JAKMIP1: variants seen among roughly 807,000 people sequenced by gnomAD.
The protein encoded by JAKMIP1 is janus kinase and microtubule-interacting protein 1.
In JAKMIP1, 33 loss-of-function variants were observed where a neutral mutation model predicts 113.0. The ratio of observed to expected loss-of-function variants is 0.29; its 90% CI spans 0.22 to 0.39. The LOEUF is 0.39. Ranked by LOEUF, JAKMIP1 falls within the 10% of genes least tolerant of loss-of-function variation. The pLI is 1.00. For missense variants in JAKMIP1, 813 were observed against 1,080.5 expected, an observed-to-expected ratio of 0.75 and a Z score of 3.47; for synonymous variants, 480 against 459.9, an observed-to-expected ratio of 1.04 and a Z score of -0.56.
intron 3 of JAKMIP1, among the ~76,000 whole-genome samples, chr4:6,101,984 A>T (rs1486784967): frequency 6.6e-6 from 1 of 151,700 alleles, no homozygotes; most frequent in Non-Finnish European, 1.5e-5. Flanking sequence ...GGAAAAACTG[A>T]TATCTATACT....
chr4:6,122,138 A>T (rs1716801339), intron 1 of JAKMIP1, among the ~76,000 whole-genome samples: 1 of 152,190 alleles, frequency 6.6e-6, no homozygotes, highest in Non-Finnish European at 1.5e-5. Flanking sequence ...TGATGTCAGA[A>T]GTTCAAGACC....
chr4:6,148,401 C>G (rs1293240271), intron 1 of JAKMIP1, among the ~76,000 whole-genome samples: 1 of 152,228 alleles, frequency 6.6e-6, no homozygotes, highest in Non-Finnish European at 1.5e-5. Context: ...ATGAGGACTT[C>G]AAGCCTCAGC....
chr4:6,028,233 C>T (rs1712116995), intron 20 of JAKMIP1, among the ~76,000 whole-genome samples: 1 of 152,238 alleles, frequency 6.6e-6, no homozygotes, highest in South Asian at 2.1e-4. Flanking sequence ...TTGAGACCCC[C>T]TTGGGTTCTC....
intron 1 of JAKMIP1, among the ~76,000 whole-genome samples, chr4:6,191,892 G>A (rs1038484412): frequency 5.4e-5 from 7 of 130,028 alleles, no homozygotes; most frequent in Admixed American, 3.9e-4. Context: ...TTTTTCATAC[G>A]TCTTCAAGCC....
rs891715097 is a variant in JAKMIP1, at chr4:6,178,355, G to T, written c.-148+21898C>A. 6.6e-6 allele frequency among the ~76,000 whole-genome samples: 1 copy of T among 152,118 alleles called. No individual in the cohort carries two copies. Among genetic ancestry groups the T allele is most frequent in the African/African-American group, 2.4e-5 (1 of 41,426 alleles). Reference sequence around the variant, plus strand: ...CATAATCCCCATGTGTGGTGGGAGGGACCTCTCGGGAGGTAATTGAATCAT... The same window carrying T: ...CATAATCCCCATGTGTGGTGGGAGGTACCTCTCGGGAGGTAATTGAATCAT... On this transcript the variant is annotated intron_variant, in intron 1 of 20. Transcript: ENST00000409021. The surrounding 1 kb of genome is among the most constrained non-coding windows in gnomAD (Gnocchi z 5.5).
Position 6,049,851 on chromosome 4 carries a change from T to C in JAKMIP1, c.1930A>G (p.Met644Val), listed in dbSNP as rs754435835. Residue 644 changes from methionine to valine, a missense_variant, in exon 15 of 21, where the codon ATG becomes GTG. By Grantham distance (21) the Met-to-Val change is conservative. This residue lies in a region of JAKMIP1 where 273 missense variants were observed against 426.6 expected (regional missense o/e 0.64). Transcript: ENST00000409021. The surrounding 1 kb of genome is among the most constrained non-coding windows in gnomAD (Gnocchi z 7.0). The part of the protein sequence containing the change: ...GVKDVNVSEL[M>V]KKLDILGDNG... ...TCGCCAAGGATATCTAATTTCTTCA[T>C]AAGTTCAGAAACATTCACATCCTGG... 5.0e-6 allele frequency: 8 copies of C among 1,613,042 alleles called. No homozygotes were observed. In the Admixed American group the frequency reaches 1.3e-4, roughly 27 times the overall value.
At chr4:6,126,958 C>T (rs939509049) in intron 1 of JAKMIP1, among the ~76,000 whole-genome samples, 1 of 151,778 alleles carries the variant, frequency 6.6e-6, no homozygotes, top group African/African-American at 2.4e-5. Context: ...TCCCATACAA[C>T]ACACACACCA....
intron 1 of JAKMIP1, among the ~76,000 whole-genome samples, chr4:6,148,015 G>A (rs1721064454): frequency 6.6e-6 from 1 of 152,226 alleles, no homozygotes; most frequent in African/African-American, 2.4e-5. Flanking sequence ...TTCCTTAGGA[G>A]CAAGGACCGT....
chr4:6,037,905 G>T (rs1413243896), intron 18 of JAKMIP1, among the ~76,000 whole-genome samples: 2 of 136,314 alleles, frequency 1.5e-5, no homozygotes, highest in Non-Finnish European at 3.2e-5. Context: ...CATCACTGAG[G>T]CAGAGGCTAA....
chr4:6,196,058 G>A (rs1727792065), intron 1 of JAKMIP1, among the ~76,000 whole-genome samples: 1 of 152,218 alleles, frequency 6.6e-6, no homozygotes, highest in South Asian at 2.1e-4. Context: ...ACTTCGGGTT[G>A]CAGTTCTGAA....
intron 3 of JAKMIP1, among the ~76,000 whole-genome samples, chr4:6,095,678 G>GT (rs1553829485): frequency 3.9e-5 from 6 of 152,224 alleles, no homozygotes; most frequent in Non-Finnish European, 2.9e-5. Context: ...TGATGTGTAC[G>GT]TAAGATTTGT....
chr4:6,137,739 A>C lies in JAKMIP1; in HGVS notation c.-147-24742T>G, dbSNP rs1185141438. Among the ~76,000 whole-genome samples the C allele has an allele frequency of 6.6e-6, 1 of 152,228 alleles. No individual in the cohort carries two copies. Among genetic ancestry groups the C allele is most frequent in the Non-Finnish European group, 1.5e-5 (1 of 68,044 alleles). ...GCACATCACTTAGGTTCCATCATTC[A>C]TTCAATTCATCAGTCCTTCAATCAC... On this transcript the variant is annotated intron_variant, in intron 1 of 20. Coordinates refer to ENST00000409021, the MANE Select transcript of JAKMIP1 (RefSeq NM_001099433.2). The surrounding 1 kb of genome is among the most constrained non-coding windows in gnomAD (Gnocchi z 4.5).
chr4:6,119,564 C>A (rs1339767124), intron 1 of JAKMIP1, among the ~76,000 whole-genome samples: 5 of 121,306 alleles, frequency 4.1e-5, no homozygotes, highest in Non-Finnish European at 9.0e-5. Context: ...CAAACAACAA[C>A]AACAACAAAA....
chr4:6,082,812 G>T (rs561979707), intron 5 of JAKMIP1, among the ~76,000 whole-genome samples: 1 of 152,084 alleles, frequency 6.6e-6, no homozygotes, highest in African/African-American at 2.4e-5. Flanking sequence ...CCAGAAAGCG[G>T]CAACAGCCTA....
Position 6,080,074 on chromosome 4 carries a change from C to T in JAKMIP1, c.1242+98G>A. 7.2e-7 allele frequency: 1 copy of T among 1,392,344 alleles called. No individual in the cohort carries two copies. Among genetic ancestry groups the T allele is most frequent in the South Asian group, 1.4e-5 (1 of 70,108 alleles). 86.2% of individuals were successfully genotyped at this position (1,392,344 alleles called of 1,614,324 possible). A position where few individuals can be genotyped will look rare whatever the true frequency, so the allele number is the denominator to read the frequency against. On this transcript the variant is annotated intron_variant, in intron 7 of 20. Transcript: ENST00000409021. The surrounding 1 kb of genome is among the most constrained non-coding windows in gnomAD (Gnocchi z 6.0). ...AGCACTGCCTGACCCTGACCCAGCTCAGCAGCATCACCCTGAGCCCCAACA... is the reference window on the plus strand; with the variant it reads ...AGCACTGCCTGACCCTGACCCAGCTTAGCAGCATCACCCTGAGCCCCAACA...
Position 6,197,493 on chromosome 4 carries a change from C to T in JAKMIP1, c.-148+2760G>A, listed in dbSNP as rs894092000. 3.3e-5 allele frequency among the ~76,000 whole-genome samples: 5 copies of T among 152,184 alleles called. No homozygotes were observed. The highest frequency in any genetic ancestry group is 7.3e-5 in the Non-Finnish European group (5 of 68,048). Reference sequence around the variant, plus strand: ...ACCTAGCCAAAGAGATGCCACTGCCCCCTTTTATACAGGAAATGGAGGCTC... The same window carrying T: ...ACCTAGCCAAAGAGATGCCACTGCCTCCTTTTATACAGGAAATGGAGGCTC... On this transcript the variant is annotated intron_variant, in intron 1 of 20. Coordinates refer to ENST00000409021, the MANE Select transcript of JAKMIP1 (RefSeq NM_001099433.2). This position sits in a 1 kb window ranked among gnomAD's most constrained non-coding sequence, Gnocchi z 6.5.
At chr4:6,063,307 C>T (rs1170242512) in intron 9 of JAKMIP1, among the ~76,000 whole-genome samples, 1 of 152,236 alleles carries the variant, frequency 6.6e-6, no homozygotes, top group Non-Finnish European at 1.5e-5. Flanking sequence ...GAGGCAATCC[C>T]ATGTTCTGGT....
rs987239120 is a variant in JAKMIP1 at position 6,089,184 on chromosome 4, G to A, written c.625-3555C>T. On this transcript the variant is annotated intron_variant, in intron 3 of 20. Coordinates refer to ENST00000409021, the MANE Select transcript of JAKMIP1 (RefSeq NM_001099433.2). The surrounding 1 kb of genome is among the most constrained non-coding windows in gnomAD (Gnocchi z 5.3). ...CAGCCTGGGAATGACACAGCAGGAG[G>A]CAGAGCAGAGCCCAAGAACCTGGGA... is the stretch of plus-strand genomic sequence containing the variant. 2.6e-5 allele frequency among the ~76,000 whole-genome samples: 4 copies of A among 152,210 alleles called. No individual in the cohort carries two copies. The highest frequency in any genetic ancestry group is 4.4e-5 in the Non-Finnish European group (3 of 68,044).
Position 6,162,300 on chromosome 4 carries a change from A to C in JAKMIP1, c.-148+37953T>G, listed in dbSNP as rs186282684. ...GACAGGGCCAGCAGAGGAGAGACTC[A>C]CCAGGACACTGCACTGCAGCCGAGC... On this transcript the variant is annotated intron_variant, in intron 1 of 20. Coordinates refer to ENST00000409021, the MANE Select transcript of JAKMIP1 (RefSeq NM_001099433.2). This position sits in a 1 kb window ranked among gnomAD's most constrained non-coding sequence, Gnocchi z 5.6. Among the ~76,000 whole-genome samples the C allele has an allele frequency of 2.3e-3, 354 of 152,266 alleles. 1 individual carries two copies. Among genetic ancestry groups the C allele is most frequent in the African/African-American group, 8.2e-3 (340 of 41,552 alleles).
Sources: gnomAD v4.1 joint callset for allele counts (sites outside exome capture counted in the v4.1 genomes callset) on GRCh38, gnomAD v4.1.1 for gene constraint, gnomAD v4.1.1 regional missense constraint, Gnocchi (gnomAD v3.1) non-coding constraint, MANE v1.5 for transcripts, NCBI Gene and HGNC (gene_info 2026-07-23, HGNC 2026-07-21) for gene names.